Variants in ADGRD1 observed in about 807,000 individuals in gnomAD.
The protein encoded by ADGRD1 is adhesion G protein-coupled receptor D1.
A neutral mutation model predicts 113.4 loss-of-function variants in ADGRD1; 77 were observed. The observed-to-expected ratio is 0.68, with a 90% CI of 0.57 to 0.82. ADGRD1 has a LOEUF of 0.82. Ranked by LOEUF, ADGRD1 falls within the 40% of genes least tolerant of loss-of-function variation. The pLI is 0.00. For synonymous variants in ADGRD1, 474 were observed against 475.0 expected, an observed-to-expected ratio of 1.00 and a Z score of 0.03; for missense variants, 1,036 against 1,139.1, an observed-to-expected ratio of 0.91 and a Z score of 1.30.
intron 13 of ADGRD1, among the ~76,000 whole-genome samples, chr12:131,052,445 C>T (rs1056931944): frequency 2.6e-5 from 4 of 152,246 alleles, no homozygotes; most frequent in Non-Finnish European, 4.4e-5. Flanking sequence ...ACATTCAGGG[C>T]AAGAGCTCTG....
chr12:130,985,500 T>A (rs1873544074), intron 5 of ADGRD1, among the ~76,000 whole-genome samples: 1 of 152,218 alleles, frequency 6.6e-6, no homozygotes, highest in African/African-American at 2.4e-5. Flanking sequence ...TTGCATTTTA[T>A]ATTAGACCTA....
chr12:131,120,279 A>C (rs563966805), intron 19 of ADGRD1, among the ~76,000 whole-genome samples: 1 of 152,214 alleles, frequency 6.6e-6, no homozygotes, highest in Admixed American at 6.5e-5. Context: ...CTGGAGATAA[A>C]ATTGTGGAGG....
rs1426128145 is a variant in ADGRD1 at position 130,965,547 on chromosome 12, A to G, written c.104-916A>G. Among the ~76,000 whole-genome samples, 1 of 152,158 alleles carries G rather than the reference A, an allele frequency of 6.6e-6. No homozygotes were observed. Among genetic ancestry groups the G allele is most frequent in the Non-Finnish European group, 1.5e-5 (1 of 68,024 alleles). On this transcript the variant is annotated intron_variant, in intron 2 of 24. Transcript: ENST00000261654. The surrounding 1 kb of genome is among the most constrained non-coding windows in gnomAD (Gnocchi z 4.8). Reference sequence around the variant, plus strand: ...TAATCCCCGAGAAGACTAAAATTGTATGCATAAAGCCACTCATGTCAGCGC... The same window carrying G: ...TAATCCCCGAGAAGACTAAAATTGTGTGCATAAAGCCACTCATGTCAGCGC...
chr12:131,103,595 G>C (rs772136899), intron 15 of ADGRD1, among the ~76,000 whole-genome samples: 12 of 152,254 alleles, frequency 7.9e-5, no homozygotes, highest in Non-Finnish European at 2.9e-5. Flanking sequence ...CCTGAGCTGG[G>C]GCCCCCTGGG....
At chr12:131,076,589 T>C (rs1526827) in intron 13 of ADGRD1, among the ~76,000 whole-genome samples, 82,445 of 150,364 alleles carry the variant, frequency 0.55, 22,897 homozygotes, top group East Asian at 0.71. Context: ...CCAGGGCCCT[T>C]GGGTGGGTTG....
chr12:131,098,195 C>G (rs895638525), intron 15 of ADGRD1, among the ~76,000 whole-genome samples: 2 of 147,528 alleles, frequency 1.4e-5, no homozygotes, highest in Admixed American at 1.4e-4. Flanking sequence ...TGGGCTGCCT[C>G]ACTGCCTTCT....
At chr12:131,128,905 C>A (rs1482924899) in intron 20 of ADGRD1, among the ~76,000 whole-genome samples, 1 of 151,128 alleles carries the variant, frequency 6.6e-6, no homozygotes, top group Non-Finnish European at 1.5e-5. Context: ...GACAGGCCGG[C>A]CCTGCTGTCT....
chr12:130,966,750 G>T lies in ADGRD1; in HGVS notation c.187+204G>T. ...GCTTTGAAGCCACGGTGATAGAGAT[G>T]AACAAATACTTGTGTAACTTCCCGT... On this transcript the variant is annotated intron_variant, in intron 3 of 24. Transcript: ENST00000261654. The surrounding 1 kb of genome is among the most constrained non-coding windows in gnomAD (Gnocchi z 4.6). 1.8e-6 allele frequency: 1 copy of T among 565,900 alleles called. No homozygotes were observed. The allele number at this position is 565,900 out of a possible 1,614,324, so 35.1% of individuals were successfully genotyped here.
At chr12:131,012,311 A>G (rs1009370824) in intron 12 of ADGRD1, among the ~76,000 whole-genome samples, 1 of 146,652 alleles carries the variant, frequency 6.8e-6, no homozygotes, top group African/African-American at 2.5e-5. Context: ...GTTTTACTCC[A>G]TGTGTGTCAT....
intron 13 of ADGRD1, among the ~76,000 whole-genome samples, chr12:131,061,344 C>G (rs1566074779): frequency 6.6e-6 from 1 of 152,184 alleles, no homozygotes; most frequent in Non-Finnish European, 1.5e-5. Context: ...CCGTCCCCGT[C>G]ACAGGCTTAC....
chr12:131,089,264 G>T (rs1183909723), intron 15 of ADGRD1, among the ~76,000 whole-genome samples: 2 of 152,228 alleles, frequency 1.3e-5, no homozygotes, highest in Non-Finnish European at 1.5e-5. Flanking sequence ...AGAGACAAAA[G>T]AAATAGACCA....
intron 12 of ADGRD1, among the ~76,000 whole-genome samples, chr12:131,006,725 A>G (rs7979352): frequency 0.86 from 124,953 of 145,924 alleles, 55,995 homozygotes; most frequent in East Asian, 1. Flanking sequence ...AGGGGAGGGG[A>G]TGCCTCTTTC....
rs574375091 is a variant in ADGRD1 at position 131,064,274 on chromosome 12, G to T, written c.1474-12527G>T. ...CTTAGGAAGAAACCATTCTGTCTTC[G>T]ACTAATAAGTTAGCTCTAGGTTTTT... On this transcript the variant is annotated intron_variant, in intron 13 of 24. Coordinates refer to ENST00000261654, the MANE Select transcript of ADGRD1 (RefSeq NM_198827.5). Among the ~76,000 whole-genome samples the T allele has an allele frequency of 2.0e-5, 3 of 152,264 alleles. No individual in the cohort carries two copies. The South Asian group carries it at 6.2e-4, about 32-fold the overall frequency.
At chr12:131,088,616 C>T (rs1040288565) in intron 15 of ADGRD1, among the ~76,000 whole-genome samples, 7 of 152,050 alleles carry the variant, frequency 4.6e-5, no homozygotes, top group African/African-American at 1.7e-4. Flanking sequence ...GGGTGGTCCT[C>T]GGGGAAACGC....
chr12:131,107,637 T>C (rs1950264074), intron 17 of ADGRD1, among the ~76,000 whole-genome samples: 4 of 152,176 alleles, frequency 2.6e-5, no homozygotes, highest in Admixed American at 2.0e-4. Flanking sequence ...GAGAGGATGA[T>C]TGTAATGGTT....
intron 13 of ADGRD1, among the ~76,000 whole-genome samples, chr12:131,015,072 T>C (rs1878397956): frequency 6.6e-6 from 1 of 152,290 alleles, no homozygotes. Context: ...CACTGTGTTA[T>C]TGGTCAGAAT....
In ADGRD1 at chr12:130,966,340, G is replaced by A; in HGVS notation, c.104-123G>A. ...TTGAATTTTATTAAATATGCTTTCA[G>A]TATCTCCCACAGACATGGGATCCTT... On this transcript the variant is annotated intron_variant, in intron 2 of 24. Transcript: ENST00000261654. This position sits in a 1 kb window ranked among gnomAD's most constrained non-coding sequence, Gnocchi z 4.6. 3 of 620,262 alleles carry A rather than the reference G, an allele frequency of 4.8e-6. No homozygotes were observed. Among genetic ancestry groups the A allele is most frequent in the Admixed American group, 2.7e-5 (1 of 37,252 alleles). 38.4% of individuals were successfully genotyped at this position (620,262 alleles called of 1,614,324 possible). A position where few individuals can be genotyped will look rare whatever the true frequency, so the allele number is the denominator to read the frequency against.
intron 13 of ADGRD1, among the ~76,000 whole-genome samples, chr12:131,068,867 T>A: frequency 6.6e-6 from 1 of 152,258 alleles, no homozygotes; most frequent in East Asian, 1.9e-4. Context: ...ATTGAAAAGC[T>A]GTAACACTTT....
At chr12:131,011,667 C>T (rs112416612) in intron 12 of ADGRD1, among the ~76,000 whole-genome samples, 7 of 152,180 alleles carry the variant, frequency 4.6e-5, no homozygotes, top group African/African-American at 1.2e-4. Flanking sequence ...AATCATGCTG[C>T]GTGTTTAGGG....
Sources: allele counts gnomAD v4.1 joint callset (sites outside exome capture counted in the v4.1 genomes callset), GRCh38; gene constraint gnomAD v4.1.1; non-coding constraint Gnocchi (gnomAD v3.1); transcripts MANE v1.5; gene names NCBI Gene and HGNC (gene_info 2026-07-23, HGNC 2026-07-21).